LDLRAD4: variants seen among roughly 807,000 people sequenced by gnomAD.
LDLRAD4 encodes the protein low-density lipoprotein receptor class A domain-containing protein 4.
Under a neutral mutation model 17.0 loss-of-function variants are expected in LDLRAD4, and 5 were observed. The observed-to-expected ratio is 0.29, with a 90% CI of 0.15 to 0.62. The LOEUF (loss-of-function observed/expected upper bound fraction) is 0.62. LDLRAD4 is among the 20% of genes least tolerant of loss of function. LDLRAD4 has a pLI of 0.84. For synonymous variants in LDLRAD4, 168 were observed against 171.8 expected (o/e 0.98, Z 0.17); for missense variants, 340 against 424.7 (o/e 0.80, Z 1.75).
At chr18:13,218,373 C>G (rs1240662958), upstream of LDLRAD4, among the ~76,000 whole-genome samples, 1 of 152,186 alleles carries the variant, frequency 6.6e-6, no homozygotes, top group Non-Finnish European at 1.5e-5. Flanking sequence ...TCGCCGACCC[C>G]CACCCCGTTT....
In LDLRAD4 at chr18:13,463,978, C is replaced by G. The variant is rs990423343; in HGVS notation, c.181+25594C>G. The stretch of plus-strand genomic sequence containing the variant: ...TTAAATTATAAAGGAAAGCTTTAAT[C>G]TAGTCCAAGAAACTGGGGGAAATAG... On this transcript the variant is annotated intron_variant, in intron 3 of 5. Coordinates refer to ENST00000359446, the Ensembl canonical transcript of LDLRAD4. 3.3e-5 allele frequency among the ~76,000 whole-genome samples: 5 copies of G among 152,310 alleles called. No individual in the cohort carries two copies. In the South Asian group the frequency reaches 1.0e-3, roughly 32 times the overall value.
chr18:13,270,583 A>C (rs747269073), intron 1 of LDLRAD4, among the ~76,000 whole-genome samples: 1 of 152,188 alleles, frequency 6.6e-6, no homozygotes, highest in Non-Finnish European at 1.5e-5. Context: ...TGGATCCAGG[A>C]CTTTATTTGC....
At chr18:13,608,895 G>A (rs758067367) in intron 3 of LDLRAD4, among the ~76,000 whole-genome samples, 2 of 152,198 alleles carry the variant, frequency 1.3e-5, no homozygotes, top group African/African-American at 4.8e-5. Context: ...AAGAGATATC[G>A]TTAGAATCTC....
chr18:13,245,939 C>T (rs1387867730), intron 1 of LDLRAD4, among the ~76,000 whole-genome samples: 1 of 152,206 alleles, frequency 6.6e-6, no homozygotes, highest in Non-Finnish European at 1.5e-5. Context: ...TCACTCGGGG[C>T]TCAGAGCACT....
At chr18:13,498,031 T>TCA (rs1568256796) in intron 3 of LDLRAD4, among the ~76,000 whole-genome samples, 4 of 126,064 alleles carry the variant, frequency 3.2e-5, no homozygotes, top group East Asian at 4.9e-4. Context: ...AGAATCCTTC[T>TCA]CCACACACGT....
At chr18:13,590,310 G>A (rs1405117825) in intron 3 of LDLRAD4, among the ~76,000 whole-genome samples, 1 of 148,504 alleles carries the variant, frequency 6.7e-6, no homozygotes, top group Admixed American at 6.7e-5. Context: ...GTGTATGTGC[G>A]TGTGTTGGTA....
At chr18:13,318,197 C>G (rs2081031218) in intron 1 of LDLRAD4, among the ~76,000 whole-genome samples, 1 of 152,170 alleles carries the variant, frequency 6.6e-6, no homozygotes, top group Non-Finnish European at 1.5e-5. Context: ...CTGCGCACCA[C>G]TGCCTCCTTC....
At chr18:13,551,503 A>C (rs2094434509) in intron 3 of LDLRAD4, among the ~76,000 whole-genome samples, 1 of 152,092 alleles carries the variant, frequency 6.6e-6, no homozygotes, top group South Asian at 2.1e-4. Flanking sequence ...GCAAGGAGGT[A>C]CTCTGAGAGC....
chr18:13,599,464 C>CTCACTA (rs1180850233), intron 3 of LDLRAD4, among the ~76,000 whole-genome samples: 1 of 150,798 alleles, frequency 6.6e-6, no homozygotes. Flanking sequence ...AACTTCTCAG[C>CTCACTA]TCACTATTCT....
At chr18:13,513,179 C>T (rs2147503649) in intron 3 of LDLRAD4, among the ~76,000 whole-genome samples, 1 of 152,310 alleles carries the variant, frequency 6.6e-6, no homozygotes, top group South Asian at 2.1e-4. Context: ...TTCTGGGTGG[C>T]ACTTGCCCCG....
rs190766149 is a variant in LDLRAD4 at position 13,246,302 on chromosome 18, C to T, written c.-467+27314C>T. ...AGACTGCACTGTGCCCTTGGGGTCC[C>T]TGTGCAGCCCTGGGGATCTCGCTGC... On this transcript the variant is annotated intron_variant, in intron 1 of 5. Transcript: ENST00000399848. 1.9e-3 allele frequency among the ~76,000 whole-genome samples: 285 copies of T among 152,330 alleles called. 2 individuals are homozygous for T. Among genetic ancestry groups the T allele is most frequent in the Admixed American group, 0.017 (253 of 15,306 alleles).
intron 1 of LDLRAD4, among the ~76,000 whole-genome samples, chr18:13,317,099 A>T (rs1008933300): frequency 6.6e-6 from 1 of 152,192 alleles, no homozygotes; most frequent in African/African-American, 2.4e-5. Context: ...CACACTAGCC[A>T]TAAGGAAGCT....
At chr18:13,275,383 T>C (rs12457309), upstream of LDLRAD4, among the ~76,000 whole-genome samples, 80,001 of 152,054 alleles carry the variant, frequency 0.53, 21,538 homozygotes, top group Middle Eastern at 0.59. Flanking sequence ...AGAAGTTGTG[T>C]GTTCATTCTT....
intron 2 of LDLRAD4, among the ~76,000 whole-genome samples, chr18:13,434,599 G>A (rs1222780887): frequency 6.6e-6 from 1 of 152,132 alleles, no homozygotes; most frequent in East Asian, 1.9e-4. Flanking sequence ...TCTGACTTGA[G>A]TTTTACTTCA....
intron 1 of LDLRAD4, among the ~76,000 whole-genome samples, chr18:13,321,954 T>C (rs2081270825): frequency 1.3e-5 from 2 of 148,392 alleles, no homozygotes; most frequent in Non-Finnish European, 1.5e-5. Context: ...AATCTTTATT[T>C]GTGCAGAAAG....
At chr18:13,321,753 C>T (rs540056317) in intron 1 of LDLRAD4, among the ~76,000 whole-genome samples, 8 of 151,000 alleles carry the variant, frequency 5.3e-5, no homozygotes, top group Admixed American at 2.0e-4. Flanking sequence ...TTCAGCTGCT[C>T]GGGAGGCTGA....
Position 13,337,740 on chromosome 18 carries a change from T to TAAAAAAAAAA in LDLRAD4, c.-382-49594_-382-49585dup, listed in dbSNP as rs5823248. On this transcript the variant is annotated intron_variant, in intron 1 of 5. Coordinates refer to ENST00000359446, the Ensembl canonical transcript of LDLRAD4. ...AGCAAAACCTTGTCTTTACAAAAAG[T>TAAAAAAAAAA]AAAAAAAAAAAAAAAAGAGTTAGCC... 1.3e-4 allele frequency among the ~76,000 whole-genome samples: 18 copies of TAAAAAAAAAA among 135,724 alleles called. 1 individual carries two copies. Among genetic ancestry groups the TAAAAAAAAAA allele is most frequent in the East Asian group, 6.5e-4 (3 of 4,590 alleles). 89.0% of individuals were successfully genotyped at this position (135,724 alleles called of 152,430 possible).
intron 3 of LDLRAD4, among the ~76,000 whole-genome samples, chr18:13,444,993 C>T (rs749369026): frequency 2.0e-5 from 3 of 152,190 alleles, no homozygotes; most frequent in African/African-American, 7.2e-5. Flanking sequence ...GTTTAGACTG[C>T]CATAAACACC....
chr18:13,330,821 G>A (rs2081819459), intron 1 of LDLRAD4, among the ~76,000 whole-genome samples: 1 of 152,148 alleles, frequency 6.6e-6, no homozygotes, highest in South Asian at 2.1e-4. Flanking sequence ...CTCCAGGGAG[G>A]GGAGAACAGG....
Sources: allele counts gnomAD v4.1 joint callset (sites outside exome capture counted in the v4.1 genomes callset), GRCh38; gene constraint gnomAD v4.1.1; transcripts MANE v1.5; gene names NCBI Gene and HGNC (gene_info 2026-07-23, HGNC 2026-07-21).